Variants in CERS6 observed in about 807,000 individuals in gnomAD.
The protein encoded by CERS6 is LAG1 homolog, ceramide synthase 6.
Under a neutral mutation model 56.8 loss-of-function variants are expected in CERS6, and 26 were observed. The observed-to-expected ratio is 0.46, with a 90% CI of 0.34 to 0.63. The LOEUF is 0.63. Ranked by LOEUF, CERS6 falls within the 30% of genes least tolerant of loss-of-function variation. CERS6 has a pLI of 0.01. For missense variants in CERS6, 415 were observed against 467.5 expected, an observed-to-expected ratio of 0.89 and a Z score of 1.04; for synonymous variants, 164 against 173.3, an observed-to-expected ratio of 0.95 and a Z score of 0.42.
At chr2:168,623,509 A>G (rs1262853127) in intron 3 of CERS6, among the ~76,000 whole-genome samples, 1 of 152,218 alleles carries the variant, frequency 6.6e-6, no homozygotes, top group Non-Finnish European at 1.5e-5. Flanking sequence ...AGAGAGAGAC[A>G]CTTTGGCTAA....
chr2:168,720,862 A>C (rs1050954003), intron 8 of CERS6, among the ~76,000 whole-genome samples: 2 of 152,222 alleles, frequency 1.3e-5, no homozygotes, highest in Non-Finnish European at 2.9e-5. Context: ...GGTTCAAAAA[A>C]TATAAATGAC....
intron 1 of CERS6, among the ~76,000 whole-genome samples, chr2:168,521,242 GAGTTATGTTCTGTA>G (rs1694971896): frequency 6.6e-6 from 1 of 152,204 alleles, no homozygotes. Context: ...AAGCCTGATA[GAGTTATGTTCTGTA>G]AGTGAAACGT....
intron 3 of CERS6, among the ~76,000 whole-genome samples, chr2:168,596,720 A>G (rs1683808669): frequency 6.6e-6 from 1 of 151,642 alleles, no homozygotes; most frequent in Non-Finnish European, 1.5e-5. Flanking sequence ...TACCCGGCAA[A>G]TTTGTTGGTG....
chr2:168,739,011 G>A (rs1465216990), intron 8 of CERS6, among the ~76,000 whole-genome samples: 2 of 148,052 alleles, frequency 1.4e-5, no homozygotes, highest in African/African-American at 2.5e-5. Context: ...TCAGCCTCCC[G>A]AGTACCTGGG....
At chr2:168,491,034 A>G (rs945323758) in intron 1 of CERS6, among the ~76,000 whole-genome samples, 1 of 152,196 alleles carries the variant, frequency 6.6e-6, no homozygotes, top group Non-Finnish European at 1.5e-5. Context: ...CGAAAGTCCC[A>G]AAAGAACTGG....
At chr2:168,759,734 G>A (rs896092963) in intron 8 of CERS6, among the ~76,000 whole-genome samples, 4 of 151,956 alleles carry the variant, frequency 2.6e-5, no homozygotes, top group Admixed American at 2.6e-4. Context: ...TGTGTGTGGG[G>A]GATAAACACA....
intron 1 of CERS6, among the ~76,000 whole-genome samples, chr2:168,526,817 G>A (rs565787178): frequency 6.6e-6 from 1 of 152,334 alleles, no homozygotes; most frequent in Non-Finnish European, 1.5e-5. Context: ...AAATGTCCTG[G>A]TCAGTTAGTA....
rs201203623 is a variant in CERS6 at position 168,552,870 on chromosome 2, G to A, written c.276+5169G>A. On this transcript the variant is annotated intron_variant, in intron 2 of 9. Transcript: ENST00000305747. ...CAATATCAAAGACAATAAAAAGAAA[G>A]TATAGCAACTCCTGTTAACAAAATT... Among the ~76,000 whole-genome samples, 17 of 152,172 alleles carry A rather than the reference G, an allele frequency of 1.1e-4. No individual in the cohort carries two copies. The East Asian group carries it at 3.3e-3, about 29-fold the overall frequency.
At chr2:168,697,078 A>G (rs1254937890) in intron 6 of CERS6, among the ~76,000 whole-genome samples, 1 of 152,180 alleles carries the variant, frequency 6.6e-6, no homozygotes, top group Non-Finnish European at 1.5e-5. Flanking sequence ...CTGTGGGCCT[A>G]CTACTACCCA....
intron 8 of CERS6, among the ~76,000 whole-genome samples, chr2:168,722,787 A>G (rs1289561811): frequency 6.6e-6 from 1 of 152,162 alleles, no homozygotes; most frequent in Non-Finnish European, 1.5e-5. Flanking sequence ...CTGGGATGCT[A>G]TCCAAGGGAG....
At chr2:168,646,615 T>G (rs942303681) in intron 4 of CERS6, among the ~76,000 whole-genome samples, 4 of 152,216 alleles carry the variant, frequency 2.6e-5, no homozygotes, top group African/African-American at 9.6e-5. Flanking sequence ...CTTTGTGTGT[T>G]CCTGTGTCCA....
At chr2:168,748,365 T>C (rs1287837308) in intron 8 of CERS6, among the ~76,000 whole-genome samples, 1 of 151,642 alleles carries the variant, frequency 6.6e-6, no homozygotes, top group African/African-American at 2.4e-5. Context: ...GAGAGTGCCT[T>C]GTCCTGTTAG....
chr2:168,462,177 T>A (rs1421511461), intron 1 of CERS6, among the ~76,000 whole-genome samples: 1 of 152,252 alleles, frequency 6.6e-6, no homozygotes, highest in East Asian at 1.9e-4. Flanking sequence ...TAGTCGGGAC[T>A]TTCAAAATTT....
At chr2:168,677,155 G>C (rs778349199) in intron 4 of CERS6, among the ~76,000 whole-genome samples, 1 of 151,794 alleles carries the variant, frequency 6.6e-6, no homozygotes, top group Non-Finnish European at 1.5e-5. Flanking sequence ...TTCTCCTGAC[G>C]CTATCCCTCC....
In CERS6 at chr2:168,769,608, GACCAGTGGT is replaced by G. The variant is rs770065647; in HGVS notation, c.1106_1114del (p.Ser369_Thr371del). On this transcript the variant is annotated inframe_deletion, in exon 10 of 10. Transcript: ENST00000305747. Reference sequence around the variant, plus strand: ...CCCACACTGCGACAACCACCAATGGGACCAGTGGTACCAACGGGTATCTCCTGACTGGCT... The same window carrying G: ...CCCACACTGCGACAACCACCAATGGGACCAACGGGTATCTCCTGACTGGCT... The G allele has an allele frequency of 6.2e-7, 1 of 1,612,388 alleles. No homozygotes were observed. The highest frequency in any genetic ancestry group is 8.5e-7 in the Non-Finnish European group (1 of 1,179,390).
intron 8 of CERS6, among the ~76,000 whole-genome samples, chr2:168,760,583 T>C (rs1418312065): frequency 2.0e-5 from 3 of 152,066 alleles, no homozygotes; most frequent in Non-Finnish European, 2.9e-5. Context: ...TCACCATAGG[T>C]TCATGATGGC....
chr2:168,478,857 G>A (rs1461900515), intron 1 of CERS6, among the ~76,000 whole-genome samples: 1 of 152,112 alleles, frequency 6.6e-6, no homozygotes, highest in African/African-American at 2.4e-5. Flanking sequence ...GTCTCAAGAG[G>A]TCTTGGAGAT....
At chr2:168,652,243 TC>T (rs1367826808) in intron 4 of CERS6, among the ~76,000 whole-genome samples, 1 of 152,184 alleles carries the variant, frequency 6.6e-6, no homozygotes, top group East Asian at 1.9e-4. Flanking sequence ...TTCATAATTT[TC>T]CCTCCCTGCT....
intron 1 of CERS6, among the ~76,000 whole-genome samples, chr2:168,530,025 T>A (rs983796964): frequency 6.6e-6 from 1 of 152,132 alleles, no homozygotes; most frequent in African/African-American, 2.4e-5. Context: ...TCTTGGCTGG[T>A]CATCTGAGGA....
Sources: gnomAD v4.1 joint callset for allele counts (sites outside exome capture counted in the v4.1 genomes callset) on GRCh38, gnomAD v4.1.1 for gene constraint, MANE v1.5 for transcripts, NCBI Gene and HGNC (gene_info 2026-07-23, HGNC 2026-07-21) for gene names.